OPA3: variants seen among roughly 807,000 people sequenced by gnomAD.
The protein encoded by OPA3 is outer mitochondrial membrane lipid metabolism regulator OPA3, also known as optic atrophy 3 protein.
Under a neutral mutation model 4.0 loss-of-function variants are expected in OPA3, and 6 were observed. The ratio of observed to expected loss-of-function variants is 1.51; its 90% confidence interval spans 0.83 to 2.99. The LOEUF is 2.99. Ranked by LOEUF, OPA3 falls within the 30% of genes most tolerant of loss-of-function variation. OPA3 has a pLI of 0.00. For missense variants in OPA3, 235 were observed against 256.2 expected (o/e 0.92, Z 0.56); for synonymous variants, 105 against 117.1 (o/e 0.90, Z 0.67).
chr19:45,559,117 C>T (rs773200540), intron 1 of OPA3, among the ~76,000 whole-genome samples: 1 of 152,114 alleles, frequency 6.6e-6, no homozygotes, highest in Non-Finnish European at 1.5e-5. Flanking sequence ...CTCCTGACCT[C>T]AAGTGATCCA....
At chr19:45,572,418 CGATATATATCATGATAT>C (rs1037251409) in intron 1 of OPA3, among the ~76,000 whole-genome samples, 7 of 115,520 alleles carry the variant, frequency 6.1e-5, no homozygotes, top group African/African-American at 2.5e-4. Context: ...CGATATATAT[CGATATATATCATGATAT>C]ATGTATATCA....
At chr19:45,582,150 AT>A (rs1263337213) in intron 1 of OPA3, among the ~76,000 whole-genome samples, 1 of 150,478 alleles carries the variant, frequency 6.6e-6, no homozygotes, top group Non-Finnish European at 1.5e-5. Flanking sequence ...GGGAGATTTT[AT>A]TTTTATTTTA....
Position 45,550,803 on chromosome 19 carries a change from A to C in OPA3, c.*2711T>G. On this transcript the variant is annotated 3_prime_UTR_variant, in exon 2 of 2. Coordinates refer to ENST00000263275, the MANE Select transcript of OPA3 (RefSeq NM_025136.4). ...CACCTTGCAGCTCCTCTAATGAGAG[A>C]GCTACAGTCGGAAGGACAGACTGCA... 1 of 985,898 alleles carries C rather than the reference A, an allele frequency of 1.0e-6. No individual in the cohort carries two copies. The highest frequency in any genetic ancestry group is 1.2e-6 in the Non-Finnish European group (1 of 830,016). 61.1% of individuals were successfully genotyped at this position (985,898 alleles called of 1,614,324 possible).
chr19:45,544,719 G>C (rs1285768248), downstream of OPA3, among the ~76,000 whole-genome samples: 2 of 151,638 alleles, frequency 1.3e-5, no homozygotes, highest in South Asian at 4.2e-4. Context: ...ACTTGAACCC[G>C]GGAGGTGGAG....
chr19:45,584,627 A>G lies in OPA3; in HGVS notation c.138T>C (p.Ala46=), dbSNP rs1650783575. 4 of 1,614,052 alleles carry G rather than the reference A, an allele frequency of 2.5e-6. No homozygotes were observed. The highest frequency in any genetic ancestry group is 3.4e-6 in the Non-Finnish European group (4 of 1,180,032). ...FFKTYICLPP[A]QLYHWVEMRT... ...GGGAATTCGGGTCAGACTCACGTTG[A>G]GCCGGCGGGAGGCAGATATAGGTCT... Residue 46 remains alanine, a synonymous_variant, in exon 1 of 2, where the codon GCT becomes GCC. Transcript: ENST00000263275.
downstream of OPA3, among the ~76,000 whole-genome samples, chr19:45,543,002 G>GTTTATTTA (rs34569348): frequency 2.7e-5 from 4 of 149,384 alleles, no homozygotes; most frequent in South Asian, 2.1e-4. Flanking sequence ...TATTTTGTTT[G>GTTTATTTA]TTTATTTATT....
chr19:45,553,918 G>T lies in OPA3; in HGVS notation c.143-7C>A. On this transcript the variant is annotated splice_polypyrimidine_tract_variant and splice_region_variant and intron_variant, in intron 1 of 1. Coordinates refer to ENST00000263275, the MANE Select transcript of OPA3 (RefSeq NM_025136.4). ...ATCTCCACCCAGTGATACACTGCGGGGGAAGAGAGGGGTCAGGCTGCGCTC... is the reference window on the plus strand; with the variant it reads ...ATCTCCACCCAGTGATACACTGCGGTGGAAGAGAGGGGTCAGGCTGCGCTC... 6.3e-7 allele frequency: 1 copy of T among 1,599,418 alleles called. No homozygotes were observed. The highest frequency in any genetic ancestry group is 1.1e-5 in the South Asian group (1 of 90,314).
At chr19:45,575,259 T>G (rs958417771) in intron 1 of OPA3, among the ~76,000 whole-genome samples, 2 of 151,630 alleles carry the variant, frequency 1.3e-5, no homozygotes, top group African/African-American at 2.4e-5. Flanking sequence ...CCCGCTAAAT[T>G]TTTGTATTTT....
chr19:45,538,189 G>A (rs1969144293), intron 1 of OPA3, among the ~76,000 whole-genome samples: 1 of 150,918 alleles, frequency 6.6e-6, no homozygotes, highest in Non-Finnish European at 1.5e-5. Flanking sequence ...CCAGCACTTT[G>A]GGAGATCAAG....
In OPA3 at chr19:45,579,989, CT is replaced by C. The variant is rs869294945; in HGVS notation, c.142+4633del. ...TCTGACTCCAGAAGCCATTTTCTTT[CT>C]TTTTTTTTTTCTTTTTTTTTTTTTG... On this transcript the variant is annotated intron_variant, in intron 1 of 1. Coordinates refer to ENST00000263275, the MANE Select transcript of OPA3 (RefSeq NM_025136.4). Among the ~76,000 whole-genome samples the C allele has an allele frequency of 5.8e-4, 70 of 121,116 alleles. 1 individual carries two copies. Among genetic ancestry groups the C allele is most frequent in the African/African-American group, 6.2e-4 (13 of 21,122 alleles). The allele number at this position is 121,116 out of a possible 152,430, so 79.5% of individuals were successfully genotyped here.
Position 45,535,760 on chromosome 19 carries a change from T to C in OPA3, c.143-6304A>G, listed in dbSNP as rs562242988. ...TGAACATAATAACTGTTTTTTTCTT[T>C]TCTTTTTTTTTTTTTTTTTTAAGAG... On this transcript the variant is annotated intron_variant, in intron 1 of 1. Transcript: ENST00000323060. Among the ~76,000 whole-genome samples the C allele has an allele frequency of 8.8e-4, 95 of 108,324 alleles. 2 individuals are homozygous for C. Among genetic ancestry groups the C allele is most frequent in the African/African-American group, 3.6e-3 (90 of 25,210 alleles). The allele number at this position is 108,324 out of a possible 152,430, so 71.1% of individuals were successfully genotyped here. A position where few individuals can be genotyped will look rare whatever the true frequency, so the allele number is the denominator to read the frequency against.
At chr19:45,555,996 AT>A (rs1969416215) in intron 1 of OPA3, among the ~76,000 whole-genome samples, 1 of 152,150 alleles carries the variant, frequency 6.6e-6, no homozygotes. Flanking sequence ...GCGAACTGCA[AT>A]AAATATGAAG....
intron 1 of OPA3, among the ~76,000 whole-genome samples, chr19:45,558,505 C>T (rs182087661): frequency 8.1e-4 from 123 of 152,252 alleles, no homozygotes; most frequent in African/African-American, 2.8e-3. Context: ...CCTGTTTTCC[C>T]CTAGCGCCAT....
rs71173184 is a variant in OPA3, at chr19:45,580,600, C to CTATTTATTTATT, written c.142+4011_142+4022dup. On this transcript the variant is annotated intron_variant, in intron 1 of 1. Transcript: ENST00000263275. ...GAGGCACCGCGCCCAGCACAGAAGCCTATTTATTTATTTATTTATTTATTT... is the reference window on the plus strand; with the variant it reads ...GAGGCACCGCGCCCAGCACAGAAGCCTATTTATTTATTTATTTATTTATTTATTTATTTATTT... Among the ~76,000 whole-genome samples the CTATTTATTTATT allele has an allele frequency of 1.5e-3, 202 of 137,722 alleles. 3 individuals are homozygous for CTATTTATTTATT. The highest frequency in any genetic ancestry group is 0.011 in the Middle Eastern group (3 of 272). 90.4% of individuals were successfully genotyped at this position (137,722 alleles called of 152,430 possible). A position where few individuals can be genotyped will look rare whatever the true frequency, so the allele number is the denominator to read the frequency against.
At chr19:45,528,936 C>A in exon 2 of OPA3, 2 of 1,264,808 alleles carry the variant, frequency 1.6e-6, no homozygotes, top group South Asian at 1.4e-5. Context: ...CCGGCGCCCC[C>A]GAAGGACTGG....
At chr19:45,538,667 G>A (rs1969149267) in intron 1 of OPA3, among the ~76,000 whole-genome samples, 1 of 151,100 alleles carries the variant, frequency 6.6e-6, no homozygotes, top group South Asian at 2.1e-4. Context: ...AGGTTGCAGT[G>A]AGCCAAAATT....
chr19:45,575,699 T>C (rs185627262), intron 1 of OPA3, among the ~76,000 whole-genome samples: 3 of 152,136 alleles, frequency 2.0e-5, no homozygotes, highest in Admixed American at 1.3e-4. Flanking sequence ...CTCATTCTCC[T>C]GGGCTCAAGC....
chr19:45,572,602 T>C (rs956556288), intron 1 of OPA3, among the ~76,000 whole-genome samples: 1 of 97,758 alleles, frequency 1.0e-5, no homozygotes, highest in Admixed American at 1.1e-4. Context: ...TATATTGATA[T>C]ATATCATATA....
At position 45,552,302 on chromosome 19, in the gene OPA3, G is replaced by C. The variant is rs1039296168; in HGVS notation, c.*1212C>G. ...GGCTCACTGCAACCTCTGCCTCCCG[G>C]GTTCAAGCAATTCTCCTGTCTCAGC... On this transcript the variant is annotated 3_prime_UTR_variant, in exon 2 of 2. Coordinates refer to ENST00000263275, the MANE Select transcript of OPA3 (RefSeq NM_025136.4). 2.3e-5 allele frequency: 15 copies of C among 641,774 alleles called. No individual in the cohort carries two copies. Among genetic ancestry groups the C allele is most frequent in the Non-Finnish European group, 2.9e-5 (15 of 516,362 alleles). 39.8% of individuals were successfully genotyped at this position (641,774 alleles called of 1,614,324 possible). A position where few individuals can be genotyped will look rare whatever the true frequency, so the allele number is the denominator to read the frequency against.
Sources: gnomAD v4.1 joint callset for allele counts (sites outside exome capture counted in the v4.1 genomes callset) on GRCh38, gnomAD v4.1.1 for gene constraint, MANE v1.5 for transcripts, NCBI Gene and HGNC (gene_info 2026-07-23, HGNC 2026-07-21) for gene names.